POU6F2: variants seen among roughly 807,000 people sequenced by gnomAD.
POU6F2 encodes POU class 6 homeobox 2.
POU6F2 carries 31 observed loss-of-function variants against 71.3 expected under a neutral mutation model. The ratio of observed to expected loss-of-function variants is 0.43; its 90% CI spans 0.33 to 0.59. The LOEUF (loss-of-function observed/expected upper bound fraction) is 0.59, where lower values mean the gene tolerates loss of function less well. POU6F2 is among the 20% of genes least tolerant of loss of function. The pLI, the probability that POU6F2 is intolerant of heterozygous loss-of-function variation, is 0.04. For missense variants in POU6F2, 783 were observed against 856.8 expected, an observed-to-expected ratio of 0.91 and a Z score of 1.07; for synonymous variants, 347 against 355.7, an observed-to-expected ratio of 0.98 and a Z score of 0.27.
At chr7:39,280,202 T>G (rs1244345638) in intron 4 of POU6F2, among the ~76,000 whole-genome samples, 1 of 152,242 alleles carries the variant, frequency 6.6e-6, no homozygotes, top group African/African-American at 2.4e-5. Flanking sequence ...TTGGGAGTAC[T>G]TAATTTAACC....
intron 2 of POU6F2, among the ~76,000 whole-genome samples, chr7:39,188,479 A>C (rs1793591724): frequency 6.6e-6 from 1 of 151,950 alleles, no homozygotes; most frequent in Admixed American, 6.6e-5. Context: ...CCCCTGGCTA[A>C]TTTTTGCATT....
intron 2 of POU6F2, among the ~76,000 whole-genome samples, chr7:39,090,253 A>C (rs990422634): frequency 1.3e-4 from 20 of 152,042 alleles, no homozygotes; most frequent in Admixed American, 3.3e-4. Context: ...CCTTTCTGTG[A>C]TCTTTCTCAC....
intron 4 of POU6F2, among the ~76,000 whole-genome samples, chr7:39,315,785 G>C (rs528073952): frequency 1.1e-3 from 161 of 152,304 alleles, no homozygotes; most frequent in African/African-American, 3.7e-3. Flanking sequence ...CGACTTCATG[G>C]GTGACACGGA....
At chr7:39,454,150 G>T (rs992893169) in intron 8 of POU6F2, among the ~76,000 whole-genome samples, 19 of 152,280 alleles carry the variant, frequency 1.2e-4, no homozygotes, top group South Asian at 1.0e-3. Flanking sequence ...AAAGAATACA[G>T]ATGAACAGCT....
chr7:39,292,487 C>T (rs1444281466), intron 4 of POU6F2, among the ~76,000 whole-genome samples: 5 of 152,106 alleles, frequency 3.3e-5, no homozygotes, highest in Non-Finnish European at 4.4e-5. Flanking sequence ...ACCAACAGAG[C>T]GTAAATCAAC....
chr7:39,074,481 C>G (rs911932472), intron 1 of POU6F2, among the ~76,000 whole-genome samples: 5 of 150,640 alleles, frequency 3.3e-5, no homozygotes, highest in East Asian at 1.9e-4. Context: ...CTTGTCCCCC[C>G]CTCAAAAAAA....
chr7:39,394,218 G>C (rs79409011), intron 5 of POU6F2, among the ~76,000 whole-genome samples: 6,803 of 152,226 alleles, frequency 0.045, 240 homozygotes, highest in Non-Finnish European at 0.067. Flanking sequence ...ATCTGTCTAT[G>C]TAGTTTTTTG....
At chr7:39,023,365 T>C (rs879782423) in intron 1 of POU6F2, among the ~76,000 whole-genome samples, 3 of 152,072 alleles carry the variant, frequency 2.0e-5, no homozygotes, top group Non-Finnish European at 2.9e-5. Context: ...TTTTCTTTTG[T>C]TGTTTGTGCT....
intron 1 of POU6F2, among the ~76,000 whole-genome samples, chr7:39,030,948 TGG>T (rs1789928154): frequency 6.6e-6 from 1 of 152,162 alleles, no homozygotes; most frequent in South Asian, 2.1e-4. Flanking sequence ...GTCACCGGGC[TGG>T]AGGGCAGTGG....
chr7:39,060,962 A>AG (rs1459631503), intron 1 of POU6F2, among the ~76,000 whole-genome samples: 1 of 152,052 alleles, frequency 6.6e-6, no homozygotes, highest in Non-Finnish European at 1.5e-5. Context: ...TAAAAAAAAA[A>AG]AAAACTTATT....
chr7:39,157,896 A>C (rs1792904516), intron 2 of POU6F2, among the ~76,000 whole-genome samples: 1 of 152,212 alleles, frequency 6.6e-6, no homozygotes, highest in Non-Finnish European at 1.5e-5. Context: ...AGCAGTAAAA[A>C]TGAATGCTGG....
At chr7:39,388,937 GT>G (rs1472427206) in intron 5 of POU6F2, among the ~76,000 whole-genome samples, 9 of 152,130 alleles carry the variant, frequency 5.9e-5, no homozygotes, top group African/African-American at 2.2e-4. Flanking sequence ...GTTTCAAAAA[GT>G]TTTTGAAATG....
chr7:39,239,894 A>G (rs1783691054), intron 4 of POU6F2, among the ~76,000 whole-genome samples: 1 of 152,114 alleles, frequency 6.6e-6, no homozygotes, highest in African/African-American at 2.4e-5. Flanking sequence ...GTGGCTTCAT[A>G]AAGGGGGCAA....
At chr7:39,199,756 G>A (rs1170641577) in intron 2 of POU6F2, among the ~76,000 whole-genome samples, 4 of 152,126 alleles carry the variant, frequency 2.6e-5, no homozygotes, top group African/African-American at 7.2e-5. Context: ...TGGGACCAAT[G>A]GTGTTGAGTG....
At chr7:39,378,940 G>A (rs988625718) in intron 5 of POU6F2, among the ~76,000 whole-genome samples, 1 of 152,178 alleles carries the variant, frequency 6.6e-6, no homozygotes, top group Non-Finnish European at 1.5e-5. Context: ...TTTCCCTTGT[G>A]GGGAAGATTG....
intron 7 of POU6F2, among the ~76,000 whole-genome samples, chr7:39,447,557 A>G (rs1788553209): frequency 6.6e-6 from 1 of 152,186 alleles, no homozygotes; most frequent in Non-Finnish European, 1.5e-5. Flanking sequence ...CCAATACCTA[A>G]AAAGGAGGAC....
intron 4 of POU6F2, among the ~76,000 whole-genome samples, chr7:39,309,964 G>A (rs1226001062): frequency 1.3e-5 from 2 of 152,114 alleles, no homozygotes; most frequent in Non-Finnish European, 2.9e-5. Context: ...GAGCTCCATC[G>A]ACTTCAAAGA....
At chr7:39,287,625 A>G (rs1583498831) in intron 4 of POU6F2, among the ~76,000 whole-genome samples, 1 of 152,200 alleles carries the variant, frequency 6.6e-6, no homozygotes, top group Non-Finnish European at 1.5e-5. Flanking sequence ...TGCCTTTCAC[A>G]TTCAGATTCC....
rs1371681569 is a variant in POU6F2 at position 39,008,635 on chromosome 7, C to T, written c.105+30577C>T. ...TGAATGGTAATGCCTAGGTTTTCTT[C>T]TAGGGTTTTTATGGTTTTAGGTCTA... On this transcript the variant is annotated intron_variant, in intron 1 of 9. Coordinates refer to ENST00000518318, the MANE Select transcript of POU6F2 (RefSeq NM_001370959.1). Among the ~76,000 whole-genome samples, 16 of 151,096 alleles carry T rather than the reference C, an allele frequency of 1.1e-4. No individual in the cohort carries two copies. In the Middle Eastern group the frequency reaches 0.014, roughly 129 times the overall value.
Sources: gnomAD v4.1 joint callset for allele counts (sites outside exome capture counted in the v4.1 genomes callset) on GRCh38, gnomAD v4.1.1 for gene constraint, MANE v1.5 for transcripts, NCBI Gene and HGNC (gene_info 2026-07-23, HGNC 2026-07-21) for gene names.